STARD9: variants seen among roughly 807,000 people sequenced by gnomAD.
STARD9 encodes stAR-related lipid transfer protein 9.
A neutral mutation model predicts 399.8 loss-of-function variants in STARD9; 346 were observed. That is an observed-to-expected ratio of 0.87 (90% confidence interval 0.79 to 0.95). The LOEUF is 0.95. STARD9 is among the 40% of genes least tolerant of loss of function. The pLI, the probability that STARD9 is intolerant of heterozygous loss-of-function variation, is 0.00. For missense variants in STARD9, 5,832 were observed against 5,667.5 expected, an observed-to-expected ratio of 1.03 and a Z score of -0.93; for synonymous variants, 2,203 against 2,143.5, an observed-to-expected ratio of 1.03 and a Z score of -0.77.
rs1266442515 is a variant in STARD9, at chr15:42,669,303, T to C, written c.1463T>C (p.Val488Ala). ...LPHLMALEDD[V>A]LSTGVVLYHL... ...CACTTGATGGCCTTGGAGGATGATGTGCTCAGCACAGGTGTTGTGCTCTAT... is the reference window on the plus strand; with the variant it reads ...CACTTGATGGCCTTGGAGGATGATGCGCTCAGCACAGGTGTTGTGCTCTAT... Residue 488 changes from valine (V) to alanine (A), a missense_variant, in exon 16 of 33, where the codon GTG (valine) becomes GCG (alanine). Val to Ala is a moderately conservative substitution (Grantham distance 64, BLOSUM62 0). Around this residue, in one of 2 missense-constraint regions of STARD9, gnomAD observed 5,828 missense variants for 5,651.1 expected, o/e 1.03. Transcript: ENST00000290607. 5.9e-6 allele frequency: 9 copies of C among 1,535,858 alleles called. 1 individual carries two copies. In the South Asian group the frequency reaches 1.1e-4, roughly 18 times the overall value.
intron 4 of STARD9, among the ~76,000 whole-genome samples, chr15:42,636,780 T>C (rs781618087): frequency 1.3e-5 from 2 of 151,912 alleles, no homozygotes; most frequent in African/African-American, 2.4e-5. Context: ...AAAAGAAGAA[T>C]TGGGGCTGGG....
In STARD9 at chr15:42,610,240, G is replaced by T. The variant is rs1033321951; in HGVS notation, c.234+24603G>T. On this transcript the variant is annotated intron_variant, in intron 3 of 32. Transcript: ENST00000290607. ...ATTGCCCTTCATCTTCTGCTGCTAG[G>T]ATTTCACTTCCCAGCCCCACTTGGT... 3.3e-5 allele frequency among the ~76,000 whole-genome samples: 5 copies of T among 152,152 alleles called. No individual in the cohort carries two copies. The South Asian group carries it at 1.0e-3, about 32-fold the overall frequency.
In STARD9 at chr15:42,718,772, A is replaced by T; in HGVS notation, c.13863A>T (p.Ala4621=). ...EAKEGHLSVM[A]AQSVYDTSMP... ...CCCAGGGTCACCTGTCTGTCATGGC[A>T]GCCCAGTCTGTGTATGATACATCCA... Residue 4621 remains alanine (A), a synonymous_variant, in exon 32 of 33, where the codon GCA becomes GCT. Coordinates refer to ENST00000290607, the MANE Select transcript of STARD9 (RefSeq NM_020759.3). The T allele has an allele frequency of 6.5e-7, 1 of 1,537,244 alleles. No homozygotes were observed. The highest frequency in any genetic ancestry group is 8.7e-7 in the Non-Finnish European group (1 of 1,146,902).
intron 3 of STARD9, among the ~76,000 whole-genome samples, chr15:42,596,059 G>C (rs1247851535): frequency 2.0e-5 from 3 of 152,196 alleles, no homozygotes; most frequent in Non-Finnish European, 4.4e-5. Context: ...ATGAACAGTG[G>C]AAACTAGAGA....
At chr15:42,647,384 T>C (rs2059665923) in intron 7 of STARD9, among the ~76,000 whole-genome samples, 1 of 152,194 alleles carries the variant, frequency 6.6e-6, no homozygotes, top group African/African-American at 2.4e-5. Flanking sequence ...CTTTTAATTC[T>C]GCCAATTTTT....
chr15:42,610,733 G>C (rs1229526609), intron 3 of STARD9, among the ~76,000 whole-genome samples: 1 of 152,140 alleles, frequency 6.6e-6, no homozygotes, highest in Non-Finnish European at 1.5e-5. Flanking sequence ...TTTTAGTAGA[G>C]ACGGGGTTTC....
chr15:42,651,308 CATA>C (rs1033916157), intron 8 of STARD9, among the ~76,000 whole-genome samples: 10 of 152,246 alleles, frequency 6.6e-5, no homozygotes, highest in African/African-American at 2.4e-4. Context: ...CTGTTCTGGA[CATA>C]ATAATATTAG....
At chr15:42,676,020 C>A in intron 20 of STARD9, 45 bp downstream of exon 20, 1 of 474,786 alleles carries the variant, frequency 2.1e-6, no homozygotes, top group Non-Finnish European at 3.7e-6. Flanking sequence ...ACTGGGTTCG[C>A]TTCTTAGTCC....
chr15:42,605,183 C>A (rs957125664), intron 3 of STARD9, among the ~76,000 whole-genome samples: 1 of 152,150 alleles, frequency 6.6e-6, no homozygotes, highest in African/African-American at 2.4e-5. Flanking sequence ...ATATATGAAT[C>A]ATTTGGTTGA....
Position 42,575,749 on chromosome 15 carries a change from C to T in STARD9, c.34C>T (p.Pro12Ser), listed in dbSNP as rs2058039069. The change falls in exon 1 of 33, where the codon CCG becomes TCG. Residue 12 changes from proline to serine, a missense_variant. By Grantham distance (74) the Pro-to-Ser change is moderately conservative (BLOSUM62 -1). This residue lies in a region of STARD9 where 5,828 missense variants were observed against 5,651.1 expected (regional missense o/e 1.03). Coordinates refer to ENST00000290607, the MANE Select transcript of STARD9 (RefSeq NM_020759.3). ...CGTGCAGGTCGCCGTGCGGGTCCGGCCGCTCAGCAAGAGGTGAGTCTCCGC... is the reference window on the plus strand; with the variant it reads ...CGTGCAGGTCGCCGTGCGGGTCCGGTCGCTCAGCAAGAGGTGAGTCTCCGC... ...ANVQVAVRVR[P>S]LSKRETKEGG... 2.0e-6 allele frequency: 3 copies of T among 1,536,822 alleles called. No homozygotes were observed. Among genetic ancestry groups the T allele is most frequent in the Admixed American group, 3.9e-5 (2 of 51,010 alleles).
Position 42,687,886 on chromosome 15 carries a change from G to C in STARD9, c.6308G>C (p.Ser2103Thr). 1 of 1,537,206 alleles carries C rather than the reference G, an allele frequency of 6.5e-7. No individual in the cohort carries two copies. Among genetic ancestry groups the C allele is most frequent in the South Asian group, 1.2e-5 (1 of 84,050 alleles). The change falls in exon 23 of 33, where the codon AGC becomes ACC. Residue 2103 changes from serine to threonine, a missense_variant. Physicochemically the swap from Ser to Thr is moderately conservative, Grantham distance 58. Transcript: ENST00000290607. ...ACTGACCATGCCTTTAGGCCAGACA[G>C]CTCTGGAAACCCTTTGCCCTCTAAG... ...EKTDHAFRPDSSGNPLPSKDQ... is the reference protein window; with the variant it reads ...EKTDHAFRPDTSGNPLPSKDQ...
intron 12 of STARD9, 117 bp downstream of exon 12, chr15:42,663,607 A>G: frequency 1.6e-6 from 1 of 615,210 alleles, no homozygotes. Context: ...CTGGTACTCT[A>G]TCTCAGAGAA....
At chr15:42,712,225 C>T (rs940204579) in intron 26 of STARD9, among the ~76,000 whole-genome samples, 10 of 141,900 alleles carry the variant, frequency 7.0e-5, no homozygotes, top group Admixed American at 1.5e-4. Flanking sequence ...TTTTAAGAGT[C>T]CCTTAGCAAA....
Position 42,606,784 on chromosome 15 carries a change from G to A in STARD9, c.234+21147G>A, listed in dbSNP as rs1309598703. Among the ~76,000 whole-genome samples the A allele has an allele frequency of 7.2e-5, 11 of 151,936 alleles. No homozygotes were observed. The East Asian group carries it at 1.4e-3, about 19-fold the overall frequency. On this transcript the variant is annotated intron_variant, in intron 3 of 32. Transcript: ENST00000290607. Reference sequence around the variant, plus strand: ...GCCTATTTTTAGTTTTGTATCCAGAGTAAGTGCTTGTATACATGTACAGTC... The same window carrying A: ...GCCTATTTTTAGTTTTGTATCCAGAATAAGTGCTTGTATACATGTACAGTC...
At chr15:42,584,322 G>C (rs1347436851) in intron 2 of STARD9, among the ~76,000 whole-genome samples, 1 of 152,112 alleles carries the variant, frequency 6.6e-6, no homozygotes, top group African/African-American at 2.4e-5. Context: ...ACTTTCAACG[G>C]GGCTCCCCAG....
chr15:42,653,888 A>G (rs564045248), intron 9 of STARD9, among the ~76,000 whole-genome samples: 7 of 152,328 alleles, frequency 4.6e-5, no homozygotes, highest in African/African-American at 1.7e-4. Context: ...CACAATTGTA[A>G]CAATGCATTT....
Position 42,694,274 on chromosome 15 carries a change from G to C in STARD9, c.12696G>C (p.Gln4232His), listed in dbSNP as rs74803275. Residue 4232 changes from glutamine to histidine, a missense_variant, in exon 23 of 33, where the codon CAG becomes CAC. This residue lies in a region of STARD9 where 5,828 missense variants were observed against 5,651.1 expected (regional missense o/e 1.03). Coordinates refer to ENST00000290607, the MANE Select transcript of STARD9 (RefSeq NM_020759.3). ...GEADALLQVL[Q>H]SGTGEALAAD... ...CCGATGCCCTGCTCCAGGTGCTGCA[G>C]AGTGGGACAGGGGAGGCGCTTGCTG... 1 of 1,523,480 alleles carries C rather than the reference G, an allele frequency of 6.6e-7. No homozygotes were observed. Among genetic ancestry groups the C allele is most frequent in the Admixed American group, 2.0e-5 (1 of 49,796 alleles). The allele number at this position is 1,523,480 out of a possible 1,614,324, so 94.4% of individuals were successfully genotyped here.
intron 7 of STARD9, among the ~76,000 whole-genome samples, chr15:42,644,921 C>A (rs1264575097): frequency 6.6e-6 from 1 of 152,210 alleles, no homozygotes; most frequent in African/African-American, 2.4e-5. Flanking sequence ...ACCACTTTCT[C>A]TGCTCATCCA....
rs1021753622 is a variant in STARD9, at chr15:42,607,082, G to A, written c.234+21445G>A. The stretch of plus-strand genomic sequence containing the variant: ...ACCACCTTAGCTTCCTGAGTAGCTG[G>A]GACTACAGGCATGTGCCACGTCCTC... On this transcript the variant is annotated intron_variant, in intron 3 of 32. Transcript: ENST00000290607. Among the ~76,000 whole-genome samples the A allele has an allele frequency of 1.1e-4, 16 of 151,512 alleles. No individual in the cohort carries two copies. The East Asian group carries it at 2.9e-3, about 28-fold the overall frequency.
Sources: allele counts gnomAD v4.1 joint callset (sites outside exome capture counted in the v4.1 genomes callset), GRCh38; gene constraint gnomAD v4.1.1; regional missense constraint gnomAD v4.1.1; transcripts MANE v1.5; gene names NCBI Gene and HGNC (gene_info 2026-07-23, HGNC 2026-07-21).